Variants in KCNH1 observed in about 807,000 individuals in gnomAD.
The protein encoded by KCNH1 is voltage-gated delayed rectifier potassium channel KCNH1.
Under a neutral mutation model 69.2 loss-of-function variants are expected in KCNH1, and 27 were observed. That is an observed-to-expected ratio of 0.39 (90% CI 0.29 to 0.54). The LOEUF (loss-of-function observed/expected upper bound fraction) is 0.54, where lower values mean the gene tolerates loss of function less well. Ranked by LOEUF, KCNH1 falls within the 20% of genes least tolerant of loss-of-function variation. The pLI is 0.68. For synonymous variants in KCNH1, 456 were observed against 487.7 expected, an observed-to-expected ratio of 0.93 and a Z score of 0.86; for missense variants, 798 against 1,261.6, an observed-to-expected ratio of 0.63 and a Z score of 5.57.
chr1:210,691,303 G>A (rs1681522675), intron 10 of KCNH1, among the ~76,000 whole-genome samples: 1 of 152,210 alleles, frequency 6.6e-6, no homozygotes, highest in Non-Finnish European at 1.5e-5. Flanking sequence ...TCTTTGTGGG[G>A]CAGTCCTGGT....
chr1:210,954,466 T>C (rs1558539335), intron 6 of KCNH1, among the ~76,000 whole-genome samples: 1 of 152,246 alleles, frequency 6.6e-6, no homozygotes, highest in Non-Finnish European at 1.5e-5. Flanking sequence ...TCCAGATCCA[T>C]GAGGAATTGC....
At chr1:210,876,839 C>T (rs1686386103) in intron 7 of KCNH1, among the ~76,000 whole-genome samples, 1 of 152,058 alleles carries the variant, frequency 6.6e-6, no homozygotes, top group South Asian at 2.1e-4. Context: ...TCACTAAGTG[C>T]CAATATACCC....
chr1:211,127,344 C>T (rs1220840039), intron 1 of KCNH1, among the ~76,000 whole-genome samples: 1 of 151,386 alleles, frequency 6.6e-6, no homozygotes, highest in African/African-American at 2.4e-5. Flanking sequence ...TCCCTTCCAG[C>T]TCTAATTCTT....
At chr1:210,858,961 T>A in intron 7 of KCNH1, 15 of 384,572 alleles carry the variant, frequency 3.9e-5, no homozygotes, top group Non-Finnish European at 5.7e-5. Flanking sequence ...GTACCTCCAA[T>A]CCCCCCCACC....
chr1:210,725,536 G>C (rs763812523), intron 10 of KCNH1, among the ~76,000 whole-genome samples: 3 of 152,142 alleles, frequency 2.0e-5, no homozygotes, highest in Non-Finnish European at 4.4e-5. Flanking sequence ...CTCAGTCTGG[G>C]GGTAGGGGGT....
At chr1:210,716,967 T>TAA in intron 10 of KCNH1, among the ~76,000 whole-genome samples, 1 of 152,302 alleles carries the variant, frequency 6.6e-6, no homozygotes, top group Admixed American at 6.5e-5. Context: ...CATACAGCAC[T>TAA]AAGTTGACTG....
At chr1:210,843,688 G>C (rs1685475276) in intron 7 of KCNH1, among the ~76,000 whole-genome samples, 1 of 152,188 alleles carries the variant, frequency 6.6e-6, no homozygotes, top group Non-Finnish European at 1.5e-5. Flanking sequence ...TGTTTGTGTA[G>C]AAAGGAGCAC....
At chr1:210,972,723 T>A (rs2102368551) in intron 6 of KCNH1, among the ~76,000 whole-genome samples, 1 of 152,178 alleles carries the variant, frequency 6.6e-6, no homozygotes, top group East Asian at 1.9e-4. Context: ...ATCTACTGGT[T>A]AAATGTGTAT....
intron 3 of KCNH1, among the ~76,000 whole-genome samples, chr1:211,095,182 G>T (rs905480590): frequency 2.6e-5 from 4 of 152,214 alleles, no homozygotes; most frequent in Admixed American, 6.5e-5. Flanking sequence ...AAATCAGGAA[G>T]AAGTTAAATT....
At position 210,922,383 on chromosome 1, in the gene KCNH1, C is replaced by CAAAAAAAA. The variant is rs758026291; in HGVS notation, c.1033-2322_1033-2315dup. Among the ~76,000 whole-genome samples, 32 of 98,312 alleles carry CAAAAAAAA rather than the reference C, an allele frequency of 3.3e-4. 2 individuals are homozygous for CAAAAAAAA. In the East Asian group the frequency reaches 4.8e-3, roughly 15 times the overall value. 64.5% of individuals were successfully genotyped at this position (98,312 alleles called of 152,430 possible). On this transcript the variant is annotated intron_variant, in intron 6 of 10. Coordinates refer to ENST00000271751, the MANE Select transcript of KCNH1 (RefSeq NM_172362.3). ...TGGGCAACAGAGCGAGACTCCGTCT[C>CAAAAAAAA]AAAAAAAAAAAAAAAAAAAAAAAAA...
intron 7 of KCNH1, among the ~76,000 whole-genome samples, chr1:210,913,396 A>T (rs1421408587): frequency 6.6e-6 from 1 of 152,226 alleles, no homozygotes; most frequent in East Asian, 1.9e-4. Context: ...GAAAAAGTTA[A>T]CTGGGAAGAG....
intron 4 of KCNH1, among the ~76,000 whole-genome samples, chr1:211,089,153 G>A (rs898001344): frequency 6.6e-5 from 10 of 152,234 alleles, no homozygotes; most frequent in African/African-American, 2.2e-4. Flanking sequence ...AAAAATAGGT[G>A]TCAAAATATT....
intron 10 of KCNH1, among the ~76,000 whole-genome samples, chr1:210,742,789 A>G (rs1683063205): frequency 6.6e-6 from 1 of 152,118 alleles, no homozygotes; most frequent in South Asian, 2.1e-4. Context: ...AGGAAGAATA[A>G]TGTGCCTGAG....
chr1:211,112,753 A>G (rs1023906833), intron 1 of KCNH1, among the ~76,000 whole-genome samples: 3 of 152,166 alleles, frequency 2.0e-5, no homozygotes, highest in Non-Finnish European at 4.4e-5. Context: ...TCTTTACCCA[A>G]GGAGTTAGAG....
intron 5 of KCNH1, among the ~76,000 whole-genome samples, chr1:211,044,092 G>A (rs1173155469): frequency 7.9e-5 from 12 of 152,296 alleles, no homozygotes; most frequent in Admixed American, 7.8e-4. Flanking sequence ...CCTAGCCAGA[G>A]CGATTAGACA....
chr1:211,098,361 T>C (rs1414108870), intron 3 of KCNH1, among the ~76,000 whole-genome samples: 1 of 148,096 alleles, frequency 6.8e-6, no homozygotes, highest in East Asian at 2.0e-4. Context: ...TCATACAGCA[T>C]ACTAAACATT....
At position 210,794,848 on chromosome 1, in the gene KCNH1, G is replaced by A. The variant is rs1042642682; in HGVS notation, c.1915+2660C>T. Among the ~76,000 whole-genome samples, 6 of 152,172 alleles carry A rather than the reference G, an allele frequency of 3.9e-5. No individual in the cohort carries two copies. In the South Asian group the frequency reaches 6.2e-4, roughly 16 times the overall value. On this transcript the variant is annotated intron_variant, in intron 9 of 10. Transcript: ENST00000271751. ...ATCTCAGCCAGGCAAACATAAAAAC[G>A]TGGCTATGACCACCAGTAGAATTTC... is the stretch of plus-strand genomic sequence containing the variant.
At chr1:210,966,947 C>A (rs1375666431) in intron 6 of KCNH1, among the ~76,000 whole-genome samples, 2 of 152,166 alleles carry the variant, frequency 1.3e-5, no homozygotes, top group Non-Finnish European at 2.9e-5. Flanking sequence ...TTCACAATAG[C>A]AAAGACTTGG....
At chr1:210,923,396 T>C (rs1303438870) in intron 6 of KCNH1, among the ~76,000 whole-genome samples, 2 of 152,188 alleles carry the variant, frequency 1.3e-5, no homozygotes, top group South Asian at 2.1e-4. Flanking sequence ...TAAACTGCCA[T>C]TGGGGGTCCC....
Sources: allele counts gnomAD v4.1 joint callset (sites outside exome capture counted in the v4.1 genomes callset), GRCh38; gene constraint gnomAD v4.1.1; transcripts MANE v1.5; gene names NCBI Gene and HGNC (gene_info 2026-07-23, HGNC 2026-07-21).